RRP1B: variants seen among roughly 807,000 people sequenced by gnomAD.
RRP1B encodes the protein ribosomal RNA processing protein 1 homolog B.
RRP1B carries 56 observed loss-of-function variants against 80.2 expected under a neutral mutation model. That is an observed-to-expected ratio of 0.70 (90% confidence interval 0.56 to 0.87). The LOEUF is 0.87. Among genes scored for constraint, RRP1B ranks in the 40% least tolerant of loss-of-function variants. The probability of loss-of-function intolerance (pLI) is 0.00; values close to 1 mark genes in which losing one functional copy is unlikely to be tolerated. For missense variants in RRP1B, 807 were observed against 939.8 expected, an observed-to-expected ratio of 0.86 and a Z score of 1.85; for synonymous variants, 351 against 357.6, an observed-to-expected ratio of 0.98 and a Z score of 0.21.
At chr21:43,674,403 C>T (rs1262529702) in intron 4 of RRP1B, among the ~76,000 whole-genome samples, 3 of 152,050 alleles carry the variant, frequency 2.0e-5, no homozygotes, top group Non-Finnish European at 2.9e-5. Context: ...ATGATCTGCC[C>T]ACCTCAGCCT....
chr21:43,689,826 A>G lies in RRP1B; in HGVS notation c.1867-462A>G, dbSNP rs1292588636. ...CACACCTCTGAGAGCCAAGTACGAG[A>G]CCCGGTCTCTCTCTGGGTGGCTGTC... On this transcript the variant is annotated intron_variant, in intron 13 of 15. Coordinates refer to ENST00000340648, the MANE Select transcript of RRP1B (RefSeq NM_015056.3). Among the ~76,000 whole-genome samples the G allele has an allele frequency of 5.3e-5, 8 of 152,280 alleles. No homozygotes were observed. The East Asian group carries it at 1.5e-3, about 29-fold the overall frequency.
At chr21:43,681,483 G>A (rs961254844) in intron 8 of RRP1B, among the ~76,000 whole-genome samples, 9 of 151,818 alleles carry the variant, frequency 5.9e-5, no homozygotes, top group Non-Finnish European at 1.2e-4. Flanking sequence ...AGCCTCCCAA[G>A]TAGCTGGGAT....
At chr21:43,666,973 C>A (rs941336208) in intron 1 of RRP1B, among the ~76,000 whole-genome samples, 1 of 152,038 alleles carries the variant, frequency 6.6e-6, no homozygotes, top group African/African-American at 2.4e-5. Flanking sequence ...GTCTCACTTA[C>A]CATGTTCCTC....
At chr21:43,687,227 C>G (rs1048801867) in intron 12 of RRP1B, among the ~76,000 whole-genome samples, 15 of 152,160 alleles carry the variant, frequency 9.9e-5, no homozygotes, top group Admixed American at 4.6e-4. Flanking sequence ...CACTCGAGAT[C>G]TATGGTTTTT....
At chr21:43,669,619 A>G (rs2082991580) in intron 1 of RRP1B, among the ~76,000 whole-genome samples, 1 of 152,156 alleles carries the variant, frequency 6.6e-6, no homozygotes, top group African/African-American at 2.4e-5. Flanking sequence ...CACTTTGTTC[A>G]TGAATTTTGT....
chr21:43,687,707 G>A lies in RRP1B; in HGVS notation c.1333G>A (p.Glu445Lys), dbSNP rs536271208. The part of the protein sequence containing the change: ...GLKALKARVA[E>K]PGAEATSSTG... ...GAAAGCCCTGAAGGCACGTGTGGCC[G>A]AGCCAGGTGCAGAGGCCACGTCCAG... is the stretch of plus-strand genomic sequence containing the variant. Residue 445 changes from glutamate to lysine, a missense_variant, in exon 13 of 16, where the codon GAG (glutamate) becomes AAG (lysine). Physicochemically the swap from Glu to Lys is moderately conservative, Grantham distance 56. Transcript: ENST00000340648. 6.8e-6 allele frequency: 11 copies of A among 1,610,928 alleles called. No homozygotes were observed. Among genetic ancestry groups the A allele is most frequent in the Admixed American group, 1.7e-5 (1 of 59,906 alleles).
intron 13 of RRP1B, among the ~76,000 whole-genome samples, chr21:43,689,278 G>C (rs1300618949): frequency 6.6e-6 from 1 of 152,264 alleles, no homozygotes; most frequent in African/African-American, 2.4e-5. Flanking sequence ...CAGAGTTTGC[G>C]CACCTTGGTC....
Position 43,693,308 on chromosome 21 carries a change from C to T in RRP1B, c.2202C>T (p.Ala734=), listed in dbSNP as rs2083094577. ...GVLKTPTSSP[A]SSPLVAKKPL... is the part of the protein sequence containing the mutation. The stretch of plus-strand genomic sequence containing the variant: ...TGAAGACCCCCACCAGCTCACCTGC[C>T]AGCTCACCCCTGGTGGCCAAGAAGC... The change falls in exon 16 of 16, where the codon GCC becomes GCT. Residue 734 remains alanine (A), a synonymous_variant. Coordinates refer to ENST00000340648, the MANE Select transcript of RRP1B (RefSeq NM_015056.3). This position sits in a 1 kb window ranked among gnomAD's most constrained non-coding sequence, Gnocchi z 4.1. The T allele has an allele frequency of 6.2e-7, 1 of 1,613,362 alleles. No homozygotes were observed. Among genetic ancestry groups the T allele is most frequent in the Non-Finnish European group, 8.5e-7 (1 of 1,179,650 alleles).
intron 1 of RRP1B, among the ~76,000 whole-genome samples, chr21:43,664,438 T>A (rs529830141): frequency 1.3e-5 from 2 of 152,246 alleles, no homozygotes; most frequent in Non-Finnish European, 2.9e-5. Context: ...TCAATAGTGC[T>A]TTGTTCTTAC....
intron 1 of RRP1B, among the ~76,000 whole-genome samples, chr21:43,667,041 G>T (rs2082980723): frequency 6.7e-6 from 1 of 149,664 alleles, no homozygotes. Context: ...ACAGTTGGGT[G>T]TTTTTTTTTT....
chr21:43,684,102 C>T (rs2083053961), intron 9 of RRP1B, among the ~76,000 whole-genome samples: 1 of 145,358 alleles, frequency 6.9e-6, no homozygotes, highest in Admixed American at 6.8e-5. Flanking sequence ...GACAGAGTCG[C>T]ACTCTGTCTC....
At chr21:43,683,176 T>C in intron 8 of RRP1B, 103 bp from the exon 9 acceptor site, 1 of 925,432 alleles carries the variant, frequency 1.1e-6, no homozygotes, top group South Asian at 1.6e-5. Flanking sequence ...CCCAACCTTC[T>C]TTTTTGCTAA....
At chr21:43,686,396 C>G (rs1238032774) in intron 11 of RRP1B, 1 of 174,084 alleles carries the variant, frequency 5.7e-6, no homozygotes, top group African/African-American at 2.4e-5. Context: ...CTTTCATTTG[C>G]TCTTATGGTC....
chr21:43,676,758 C>T lies in RRP1B; in HGVS notation c.640C>T (p.Arg214Trp). Residue 214 changes from arginine to tryptophan, a missense_variant, in exon 8 of 16, where the codon CGG (arginine) becomes TGG (tryptophan). Transcript: ENST00000340648. ...CCACACCCTGGTACAGACCATAGCTCGGGGTGTCTTCGAAGCTATCGTAGA... is the reference window on the plus strand; with the variant it reads ...CCACACCCTGGTACAGACCATAGCTTGGGGTGTCTTCGAAGCTATCGTAGA... ...KDHTLVQTIARGVFEAIVDQS... is the reference protein window; with the variant it reads ...KDHTLVQTIAWGVFEAIVDQS... 1.2e-6 allele frequency: 2 copies of T among 1,614,142 alleles called. No homozygotes were observed. Among genetic ancestry groups the T allele is most frequent in the South Asian group, 1.1e-5 (1 of 91,080 alleles).
At chr21:43,684,465 A>G in intron 9 of RRP1B, 88 bp from the exon 10 acceptor site, 1 of 1,126,350 alleles carries the variant, frequency 8.9e-7, no homozygotes, top group Non-Finnish European at 1.4e-6. Context: ...TGCTTCAGTA[A>G]GGGTTTCTCT....
chr21:43,663,252 T>G (rs1174277120), intron 1 of RRP1B, among the ~76,000 whole-genome samples: 1 of 152,248 alleles, frequency 6.6e-6, no homozygotes, highest in Non-Finnish European at 1.5e-5. Flanking sequence ...CTTTGATGTT[T>G]ACCTCGTTTG....
At chr21:43,685,695 A>G in intron 10 of RRP1B, 75 bp from the exon 11 acceptor site, 1 of 1,119,550 alleles carries the variant, frequency 8.9e-7, no homozygotes. Flanking sequence ...ACATATGTCT[A>G]CAGAAGACAG....
In RRP1B at chr21:43,677,686, A is replaced by G. The variant is rs139518824; in HGVS notation, c.796+772A>G. Among the ~76,000 whole-genome samples the G allele has an allele frequency of 4.3e-3, 659 of 152,306 alleles. 4 individuals are homozygous for G. Among genetic ancestry groups the G allele is most frequent in the African/African-American group, 0.015 (614 of 41,574 alleles). On this transcript the variant is annotated intron_variant, in intron 8 of 15. Transcript: ENST00000340648. ...TGGGTTTTCTTTAATTATTATGGCT[A>G]TATAATAGTTGTGCATCTGATTTGT... is the stretch of plus-strand genomic sequence containing the variant.
chr21:43,682,596 A>G (rs1437445537), intron 8 of RRP1B, among the ~76,000 whole-genome samples: 1 of 152,132 alleles, frequency 6.6e-6, no homozygotes, highest in African/African-American at 2.4e-5. Flanking sequence ...TCCTGCGTCC[A>G]TGCTCCTACC....
Sources: allele counts gnomAD v4.1 joint callset (sites outside exome capture counted in the v4.1 genomes callset), GRCh38; gene constraint gnomAD v4.1.1; non-coding constraint Gnocchi (gnomAD v3.1); transcripts MANE v1.5; gene names NCBI Gene and HGNC (gene_info 2026-07-23, HGNC 2026-07-21).